Variants in DZANK1 observed in about 807,000 individuals in gnomAD.
DZANK1 encodes the protein double zinc ribbon and ankyrin repeat-containing protein 1.
Under a neutral mutation model 94.5 loss-of-function variants are expected in DZANK1, and 91 were observed. The observed-to-expected ratio is 0.96, with a 90% CI of 0.81 to 1.15. The LOEUF (loss-of-function observed/expected upper bound fraction) is 1.15, where lower values mean the gene tolerates loss of function less well. Ranked by LOEUF, DZANK1 falls within the 50% of genes most tolerant of loss-of-function variation. The pLI is 0.00. For synonymous variants in DZANK1, 312 were observed against 325.3 expected, an observed-to-expected ratio of 0.96 and a Z score of 0.44; for missense variants, 903 against 916.4, an observed-to-expected ratio of 0.99 and a Z score of 0.19.
At chr20:18,433,593 A>G in intron 9 of DZANK1, 59 bp downstream of exon 9, 1 of 1,516,554 alleles carries the variant, frequency 6.6e-7, no homozygotes, top group Non-Finnish European at 9.1e-7. Flanking sequence ...AAGGACATAT[A>G]CCTGTTCAAA....
At chr20:18,427,926 G>A (rs772914985) in intron 9 of DZANK1, among the ~76,000 whole-genome samples, 6 of 151,958 alleles carry the variant, frequency 3.9e-5, no homozygotes, top group Admixed American at 6.5e-5. Flanking sequence ...TGAGGCAGGC[G>A]GATCACAAGG....
intron 10 of DZANK1, among the ~76,000 whole-genome samples, chr20:18,423,756 T>G (rs80070667): frequency 0.019 from 2,902 of 152,294 alleles, 43 homozygotes; most frequent in Middle Eastern, 0.034. Flanking sequence ...GAAAATGTTT[T>G]AAACTGAATT....
rs2056841552 is a variant in DZANK1, at chr20:18,404,242, G to A, written c.1433-5616C>T. Among the ~76,000 whole-genome samples the A allele has an allele frequency of 1.3e-5, 2 of 152,044 alleles. 1 individual carries two copies. The highest frequency in any genetic ancestry group is 4.1e-4 in the South Asian group (2 of 4,828). Reference sequence around the variant, plus strand: ...AAAGATTGGATACCCCTGCTGTAAAGGATGCCAAATTTAATTAAACCAGTC... The same window carrying A: ...AAAGATTGGATACCCCTGCTGTAAAAGATGCCAAATTTAATTAAACCAGTC... On this transcript the variant is annotated intron_variant, in intron 13 of 20. Coordinates refer to ENST00000262547, the Ensembl canonical transcript of DZANK1.
intron 8 of DZANK1, among the ~76,000 whole-genome samples, chr20:18,439,615 G>C (rs1601046745): frequency 2.6e-5 from 4 of 152,284 alleles, no homozygotes; most frequent in Non-Finnish European, 5.9e-5. Flanking sequence ...GCTCTAATGA[G>C]ATCAGGGAAC....
exon 13 of DZANK1, chr20:18,412,829 T>G (rs767168204): frequency 6.2e-7 from 1 of 1,613,968 alleles, no homozygotes; most frequent in Admixed American, 1.7e-5. Context: ...AAAGGAATAT[T>G]CAGGGACTGC....
At chr20:18,424,484 A>AG (rs1451916102) in intron 10 of DZANK1, among the ~76,000 whole-genome samples, 2 of 144,322 alleles carry the variant, frequency 1.4e-5, no homozygotes, top group Non-Finnish European at 3.1e-5. Context: ...AAAAAAAAAA[A>AG]GAAAAGAAAA....
intron 3 of DZANK1, among the ~76,000 whole-genome samples, chr20:18,455,786 A>G (rs1261509957): frequency 1.3e-5 from 2 of 151,802 alleles, no homozygotes; most frequent in African/African-American, 2.4e-5. Context: ...CTCTCACTCA[A>G]TCTCCATCCC....
At chr20:18,396,720 A>G (rs1308925718) in intron 14 of DZANK1, among the ~76,000 whole-genome samples, 174 bp from the exon 15 acceptor site, 1 of 152,254 alleles carries the variant, frequency 6.6e-6, no homozygotes, top group African/African-American at 2.4e-5. Flanking sequence ...AGATAAATAG[A>G]AAACAAAGAA....
At chr20:18,449,651 G>A (rs55793652) in intron 6 of DZANK1, among the ~76,000 whole-genome samples, 53,634 of 149,604 alleles carry the variant, frequency 0.36, 10,566 homozygotes, top group Middle Eastern at 0.49. Flanking sequence ...CCAGCTACTC[G>A]GGAGGCTGAA....
intron 13 of DZANK1, 125 bp from the exon 14 acceptor site, chr20:18,398,751 C>A: frequency 1.2e-6 from 1 of 840,380 alleles, no homozygotes; most frequent in Non-Finnish European, 1.9e-6. Flanking sequence ...GATGGACTTT[C>A]CTTAGTGAAC....
intron 7 of DZANK1, among the ~76,000 whole-genome samples, chr20:18,445,215 A>G (rs2058835362): frequency 1.3e-5 from 2 of 152,238 alleles, no homozygotes; most frequent in South Asian, 4.1e-4. Context: ...TAGGTTTCTG[A>G]GCAAAGAATA....
chr20:18,433,947 T>G (rs2058396852), intron 8 of DZANK1, 182 bp from the exon 9 acceptor site: 1 of 558,430 alleles, frequency 1.8e-6, no homozygotes, highest in African/African-American at 1.9e-5. Context: ...GTTTGATTTG[T>G]TTTTGTAAAA....
At chr20:18,403,464 T>C (rs767840049) in intron 13 of DZANK1, among the ~76,000 whole-genome samples, 3 of 152,080 alleles carry the variant, frequency 2.0e-5, no homozygotes, top group Non-Finnish European at 4.4e-5. Context: ...TCAGAATCTC[T>C]CCCCAAAGAA....
In DZANK1 at chr20:18,460,156, G is replaced by C. The variant is rs1436890942; in HGVS notation, c.260C>G (p.Ser87Cys). 5 of 1,529,094 alleles carry C rather than the reference G, an allele frequency of 3.3e-6. No homozygotes were observed. The African/African-American group carries it at 4.1e-5, about 12-fold the overall frequency. The allele number at this position is 1,529,094 out of a possible 1,614,324, so 94.7% of individuals were successfully genotyped here. The stretch of plus-strand genomic sequence containing the variant: ...AATCACCATGCTCTTAACTTACTTA[G>C]AGACAGCAATAGCTTTAACTTGTAT... Residue 87 changes from serine to cysteine, a missense_variant, in exon 3 of 21, where the codon TCT (serine) becomes TGT (cysteine). Physicochemically the swap from Ser to Cys is moderately radical, Grantham distance 112. Transcript: ENST00000262547.
At chr20:18,389,383 G>A (rs1288846263) in intron 19 of DZANK1, among the ~76,000 whole-genome samples, 1 of 152,174 alleles carries the variant, frequency 6.6e-6, no homozygotes, top group East Asian at 1.9e-4. Context: ...CACGATTCAT[G>A]ATGAAAACAT....
chr20:18,449,009 T>A (rs779374084), exon 7 of DZANK1: 1 of 1,613,942 alleles, frequency 6.2e-7, no homozygotes, highest in Non-Finnish European at 8.5e-7. Flanking sequence ...TCCCTTTGAA[T>A]TCTCATTATC....
intron 4 of DZANK1, chr20:18,454,596 T>C (rs1197411430): frequency 6.4e-6 from 1 of 155,714 alleles, no homozygotes; most frequent in Non-Finnish European, 1.4e-5. Flanking sequence ...TCTAATTGAC[T>C]CTTCACAGTG....
intron 3 of DZANK1, among the ~76,000 whole-genome samples, chr20:18,456,339 C>A (rs2059290221): frequency 6.6e-6 from 1 of 152,182 alleles, no homozygotes; most frequent in Admixed American, 6.5e-5. Flanking sequence ...TGTAGCCGTG[C>A]CCATGACTAA....
intron 7 of DZANK1, among the ~76,000 whole-genome samples, chr20:18,445,374 G>T (rs2148701277): frequency 6.6e-6 from 1 of 152,132 alleles, no homozygotes; most frequent in South Asian, 2.1e-4. Context: ...GAATAAATAG[G>T]CAAATTCATA....
Sources: gnomAD v4.1 joint callset for allele counts (sites outside exome capture counted in the v4.1 genomes callset) on GRCh38, gnomAD v4.1.1 for gene constraint, MANE v1.5 for transcripts, NCBI Gene and HGNC (gene_info 2026-07-23, HGNC 2026-07-21) for gene names.